Variants in R3HDM2 observed in about 807,000 individuals in gnomAD.
R3HDM2 encodes the protein R3H domain containing 2, also known as R3H domain-containing protein 2.
A neutral mutation model predicts 124.5 loss-of-function variants in R3HDM2; 38 were observed. That is an observed-to-expected ratio of 0.31 (90% CI 0.24 to 0.40). R3HDM2 has a LOEUF of 0.40. R3HDM2 is among the 10% of genes least tolerant of loss of function. The probability of loss-of-function intolerance (pLI) is 1.00; values close to 1 mark genes in which losing one functional copy is unlikely to be tolerated. For synonymous variants in R3HDM2, 391 were observed against 448.0 expected (o/e 0.87, Z 1.61); for missense variants, 869 against 1,236.9 (o/e 0.70, Z 4.46).
intron 3 of R3HDM2, among the ~76,000 whole-genome samples, chr12:57,307,224 C>CT (rs1160691474): frequency 4.6e-5 from 7 of 152,124 alleles, no homozygotes; most frequent in Admixed American, 4.6e-4. Context: ...ATAACAGGGA[C>CT]TTTTTTGAAA....
At chr12:57,317,783 T>C (rs2055450665) in intron 2 of R3HDM2, among the ~76,000 whole-genome samples, 1 of 151,216 alleles carries the variant, frequency 6.6e-6, no homozygotes, top group African/African-American at 2.4e-5. Flanking sequence ...GAGTCCAGCC[T>C]GGCCAGCATA....
intron 2 of R3HDM2, among the ~76,000 whole-genome samples, chr12:57,363,813 T>G (rs1351878149): frequency 6.6e-6 from 1 of 151,848 alleles, no homozygotes; most frequent in Non-Finnish European, 1.5e-5. Context: ...AAGACCGTAG[T>G]GAGCTAGGAT....
chr12:57,257,221 G>A (rs957314572), intron 21 of R3HDM2, among the ~76,000 whole-genome samples: 7 of 152,136 alleles, frequency 4.6e-5, no homozygotes, highest in African/African-American at 1.4e-4. Context: ...GAGCATAGTC[G>A]TGGAGCCAGA....
intron 2 of R3HDM2, among the ~76,000 whole-genome samples, chr12:57,343,643 CAAA>C (rs1030473883): frequency 2.6e-5 from 4 of 151,348 alleles, no homozygotes; most frequent in African/African-American, 9.7e-5. Flanking sequence ...AAACCTGTCA[CAAA>C]AACACATCTA....
chr12:57,324,169 A>G (rs889747488), intron 2 of R3HDM2, among the ~76,000 whole-genome samples: 2 of 152,106 alleles, frequency 1.3e-5, no homozygotes, highest in Non-Finnish European at 2.9e-5. Flanking sequence ...ATCAGACAAC[A>G]ATTCAGTATT....
intron 2 of R3HDM2, among the ~76,000 whole-genome samples, chr12:57,373,238 C>T (rs903592276): frequency 3.3e-5 from 5 of 152,244 alleles, no homozygotes; most frequent in East Asian, 1.9e-4. Flanking sequence ...CGGTGGCTCA[C>T]GCCTGTAATC....
At position 57,348,708 on chromosome 12, in the gene R3HDM2, AAAAAAAAAAAAAAGAG is replaced by A. The variant is rs1222120237; in HGVS notation, c.-35-38261_-35-38246del. 2.3e-3 allele frequency among the ~76,000 whole-genome samples: 105 copies of A among 46,186 alleles called. 7 individuals carry two copies. The highest frequency in any genetic ancestry group is 4.0e-3 in the African/African-American group (82 of 20,466). 30.3% of individuals were successfully genotyped at this position (46,186 alleles called of 152,430 possible). A position where few individuals can be genotyped will look rare whatever the true frequency, so the allele number is the denominator to read the frequency against. ...GACTCCGTCTCAAAAAAAAAAAAAA[AAAAAAAAAAAAAAGAG>A]AGAGAAAAATTAGCCAGGCATGGTG... On this transcript the variant is annotated intron_variant, in intron 2 of 23. Coordinates refer to ENST00000402412, the MANE Select transcript of R3HDM2 (RefSeq NM_001394031.1).
At chr12:57,371,995 G>A (rs2063449039) in intron 2 of R3HDM2, among the ~76,000 whole-genome samples, 1 of 152,206 alleles carries the variant, frequency 6.6e-6, no homozygotes, top group South Asian at 2.1e-4. Context: ...AGCCTCCCAA[G>A]TAGGTGGGAT....
intron 1 of R3HDM2, among the ~76,000 whole-genome samples, chr12:57,427,830 C>T (rs528742121): frequency 1.3e-5 from 2 of 152,092 alleles, no homozygotes; most frequent in South Asian, 2.1e-4. Flanking sequence ...GGGCCAGGCG[C>T]AGTGGCTCAC....
At chr12:57,272,471 C>A in intron 14 of R3HDM2, 1 of 1,550,322 alleles carries the variant, frequency 6.5e-7, no homozygotes, top group Non-Finnish European at 8.7e-7. Flanking sequence ...ACTGCTGGGG[C>A]GGAGAGACTG....
At chr12:57,262,415 T>C (rs571389109) in intron 19 of R3HDM2, among the ~76,000 whole-genome samples, 11 of 152,332 alleles carry the variant, frequency 7.2e-5, no homozygotes, top group African/African-American at 2.6e-4. Context: ...AGCACCCCTG[T>C]AGAAACCTCA....
At chr12:57,416,718 AAATCACTTG>A (rs1260826411) in intron 1 of R3HDM2, among the ~76,000 whole-genome samples, 13 of 151,522 alleles carry the variant, frequency 8.6e-5, no homozygotes, top group Non-Finnish European at 1.9e-4. Flanking sequence ...TGAGGCAGGA[AAATCACTTG>A]AATCTGAGAG....
At chr12:57,285,509 A>T (rs1235607319) in intron 12 of R3HDM2, among the ~76,000 whole-genome samples, 2 of 152,072 alleles carry the variant, frequency 1.3e-5, no homozygotes, top group Admixed American at 6.5e-5. Flanking sequence ...TTAGTGAATT[A>T]AAAAATATTC....
At chr12:57,319,873 T>C (rs2056018826) in intron 2 of R3HDM2, among the ~76,000 whole-genome samples, 1 of 152,046 alleles carries the variant, frequency 6.6e-6, no homozygotes, top group African/African-American at 2.4e-5. Flanking sequence ...TCCAGTCCTT[T>C]CAGCCAATGC....
Position 57,412,264 on chromosome 12 carries a change from G to A in R3HDM2, c.-105-16446C>T, listed in dbSNP as rs145747276. On this transcript the variant is annotated intron_variant, in intron 1 of 23. Coordinates refer to ENST00000402412, the MANE Select transcript of R3HDM2 (RefSeq NM_001394031.1). ...AGGTTCAAAACACAAAGTATTGGCC[G>A]GGCGCGGTGGCTCATGCCTGTAATC... Among the ~76,000 whole-genome samples, 340 of 151,736 alleles carry A rather than the reference G, an allele frequency of 2.2e-3. 1 individual carries two copies. The highest frequency in any genetic ancestry group is 7.8e-3 in the African/African-American group (324 of 41,404).
intron 2 of R3HDM2, among the ~76,000 whole-genome samples, chr12:57,356,454 G>GTA (rs1204165791): frequency 6.6e-6 from 1 of 152,140 alleles, no homozygotes; most frequent in Non-Finnish European, 1.5e-5. Context: ...TGATTATGAT[G>GTA]TATTGTCCTT....
At position 57,254,617 on chromosome 12, in the gene R3HDM2, T is replaced by C. The variant is rs1170865867; in HGVS notation, c.*156A>G. 22 of 657,880 alleles carry C rather than the reference T, an allele frequency of 3.3e-5. No homozygotes were observed. Among genetic ancestry groups the C allele is most frequent in the Non-Finnish European group, 5.4e-5 (22 of 405,664 alleles). The allele number at this position is 657,880 out of a possible 1,614,324, so 40.8% of individuals were successfully genotyped here. A position where few individuals can be genotyped will look rare whatever the true frequency, so the allele number is the denominator to read the frequency against. On this transcript the variant is annotated 3_prime_UTR_variant, in exon 24 of 24. Transcript: ENST00000402412. ...GGAGCAAGAAGGAGTCCAATGCCAG[T>C]GTAGGTATCTGTGTTTCCATCTTCA...
intron 2 of R3HDM2, among the ~76,000 whole-genome samples, chr12:57,315,595 T>A (rs2054845801): frequency 6.6e-6 from 1 of 152,232 alleles, no homozygotes; most frequent in African/African-American, 2.4e-5. Context: ...AAAGACCAAC[T>A]ATCTGGATAC....
chr12:57,258,729 T>C (rs2039836021), intron 20 of R3HDM2, among the ~76,000 whole-genome samples, 161 bp downstream of exon 20: 1 of 151,976 alleles, frequency 6.6e-6, no homozygotes, highest in Admixed American at 6.6e-5. Context: ...CCTTATATAT[T>C]AGGTTCCTTA....
Sources: gnomAD v4.1 joint callset for allele counts (sites outside exome capture counted in the v4.1 genomes callset) on GRCh38, gnomAD v4.1.1 for gene constraint, MANE v1.5 for transcripts, NCBI Gene and HGNC (gene_info 2026-07-23, HGNC 2026-07-21) for gene names.